PTPRD: variants seen among roughly 807,000 people sequenced by gnomAD.
PTPRD encodes the protein protein tyrosine phosphatase receptor type D.
PTPRD carries 34 observed loss-of-function variants against 214.5 expected under a neutral mutation model. The ratio of observed to expected loss-of-function variants is 0.16; its 90% CI spans 0.12 to 0.21. The LOEUF (loss-of-function observed/expected upper bound fraction) is 0.21. Ranked by LOEUF, PTPRD falls within the 10% of genes least tolerant of loss-of-function variation. PTPRD has a pLI of 1.00. For synonymous variants in PTPRD, 1,128 were observed against 845.7 expected (o/e 1.33, Z -5.79); for missense variants, 2,545 against 2,398.7 (o/e 1.06, Z -1.27).
intron 3 of PTPRD, among the ~76,000 whole-genome samples, chr9:10,125,429 AT>A (rs2098809768): frequency 1.4e-5 from 1 of 71,136 alleles, no homozygotes; most frequent in African/African-American, 7.5e-5. Context: ...TTATTTTATT[AT>A]TATTATTATT....
chr9:8,770,653 G>A (rs1225054632), intron 11 of PTPRD, among the ~76,000 whole-genome samples: 1 of 152,072 alleles, frequency 6.6e-6, no homozygotes. Context: ...ATACTTGCTT[G>A]ACCTTTTTTT....
intron 14 of PTPRD, among the ~76,000 whole-genome samples, chr9:8,539,591 G>C (rs1024552607): frequency 6.6e-6 from 1 of 151,912 alleles, no homozygotes; most frequent in African/African-American, 2.4e-5. Flanking sequence ...AAAAATCAAA[G>C]TTAATAACAC....
At chr9:9,162,083 G>T (rs1276420840) in intron 10 of PTPRD, among the ~76,000 whole-genome samples, 1 of 151,982 alleles carries the variant, frequency 6.6e-6, no homozygotes, top group African/African-American at 2.4e-5. Flanking sequence ...CTATTTTCTT[G>T]CCAATATCTG....
chr9:9,497,207 G>T (rs1414556421), intron 8 of PTPRD, among the ~76,000 whole-genome samples: 1 of 152,166 alleles, frequency 6.6e-6, no homozygotes, highest in African/African-American at 2.4e-5. Flanking sequence ...TATATTTAGT[G>T]CCACTGAGCT....
intron 2 of PTPRD, among the ~76,000 whole-genome samples, chr9:10,368,090 G>T (rs1008262752): frequency 6.6e-6 from 1 of 152,058 alleles, no homozygotes; most frequent in Non-Finnish European, 1.5e-5. Flanking sequence ...AGCATAATTT[G>T]AGTGTAAGCA....
At chr9:8,480,642 C>T (rs2096861973) in intron 30 of PTPRD, among the ~76,000 whole-genome samples, 1 of 152,154 alleles carries the variant, frequency 6.6e-6, no homozygotes, top group Non-Finnish European at 1.5e-5. Flanking sequence ...GAGTTGTATA[C>T]ATTAAATCTG....
At chr9:9,349,992 G>A (rs1411444859) in intron 9 of PTPRD, among the ~76,000 whole-genome samples, 1 of 151,958 alleles carries the variant, frequency 6.6e-6, no homozygotes, top group Non-Finnish European at 1.5e-5. Context: ...ATGTAACCTT[G>A]GTCCTTGAAA....
chr9:8,397,580 G>C (rs1018455228), intron 36 of PTPRD, among the ~76,000 whole-genome samples: 1 of 152,092 alleles, frequency 6.6e-6, no homozygotes, highest in Non-Finnish European at 1.5e-5. Context: ...TGGAGAATAC[G>C]TTAGCATGTG....
chr9:10,161,251 C>G (rs1348000222), intron 3 of PTPRD, among the ~76,000 whole-genome samples: 4 of 151,716 alleles, frequency 2.6e-5, no homozygotes, highest in African/African-American at 7.2e-5. Context: ...TCCTGAATAG[C>G]CAAAGCAATC....
At chr9:10,428,225 G>A (rs200479148) in intron 2 of PTPRD, among the ~76,000 whole-genome samples, 11 of 151,970 alleles carry the variant, frequency 7.2e-5, no homozygotes, top group East Asian at 3.9e-4. Flanking sequence ...AGGCTGAGGC[G>A]GGAGAATTGT....
chr9:9,510,704 C>T (rs560663751), intron 8 of PTPRD, among the ~76,000 whole-genome samples: 4 of 151,196 alleles, frequency 2.6e-5, no homozygotes, highest in African/African-American at 4.9e-5. Context: ...GCTCTGCCCA[C>T]CTATTTGGGC....
chr9:10,288,392 T>C (rs942157), intron 3 of PTPRD, among the ~76,000 whole-genome samples: 6,347 of 152,160 alleles, frequency 0.042, 380 homozygotes, highest in Admixed American at 0.16. Flanking sequence ...CATTGCCCAT[T>C]CTCAAATATA....
intron 34 of PTPRD, among the ~76,000 whole-genome samples, chr9:8,445,043 A>C (rs1362306768): frequency 1.3e-5 from 2 of 152,134 alleles, no homozygotes; most frequent in East Asian, 3.8e-4. Flanking sequence ...GCAGTTAATA[A>C]TTCCAGTAAA....
intron 8 of PTPRD, among the ~76,000 whole-genome samples, chr9:9,499,255 G>A: frequency 6.6e-6 from 1 of 151,982 alleles, no homozygotes; most frequent in East Asian, 1.9e-4. Flanking sequence ...CCTTTTTAAT[G>A]GATGAAGAAA....
At chr9:10,225,732 A>C (rs1319029133) in intron 3 of PTPRD, among the ~76,000 whole-genome samples, 1 of 152,084 alleles carries the variant, frequency 6.6e-6, no homozygotes, top group Non-Finnish European at 1.5e-5. Context: ...CCTCAACTGC[A>C]AGAGCATTAC....
At chr9:9,386,248 G>C (rs1219778904) in intron 9 of PTPRD, among the ~76,000 whole-genome samples, 1 of 152,110 alleles carries the variant, frequency 6.6e-6, no homozygotes, top group Non-Finnish European at 1.5e-5. Context: ...CCCCTGGCAG[G>C]CATGAGTCTA....
chr9:10,329,518 G>C (rs1291875736), intron 3 of PTPRD, among the ~76,000 whole-genome samples: 1 of 151,802 alleles, frequency 6.6e-6, no homozygotes, highest in Non-Finnish European at 1.5e-5. Context: ...TTGCACTTCT[G>C]ATAGGTAATC....
intron 11 of PTPRD, among the ~76,000 whole-genome samples, chr9:8,894,769 T>C (rs1042191926): frequency 6.6e-6 from 1 of 152,086 alleles, no homozygotes; most frequent in African/African-American, 2.4e-5. Flanking sequence ...TTACTCTTGG[T>C]TGATGGGCTT....
intron 11 of PTPRD, among the ~76,000 whole-genome samples, chr9:8,758,991 G>T (rs867098423): frequency 1.3e-5 from 2 of 150,820 alleles, no homozygotes; most frequent in African/African-American, 4.9e-5. Context: ...GGCCTAACAG[G>T]GTCATTTTTT....
Sources: gnomAD v4.1 joint callset for allele counts (sites outside exome capture counted in the v4.1 genomes callset) on GRCh38, gnomAD v4.1.1 for gene constraint, MANE v1.5 for transcripts, NCBI Gene and HGNC (gene_info 2026-07-23, HGNC 2026-07-21) for gene names.